CADPS: variants seen among roughly 807,000 people sequenced by gnomAD.
CADPS encodes calcium dependent secretion activator.
Under a neutral mutation model 167.3 loss-of-function variants are expected in CADPS, and 57 were observed. The ratio of observed to expected loss-of-function variants is 0.34; its 90% CI spans 0.28 to 0.42. The LOEUF is 0.42. Among genes scored for constraint, CADPS ranks in the 20% least tolerant of loss-of-function variants. The pLI is 1.00. For missense variants in CADPS, 1,414 were observed against 1,738.1 expected (o/e 0.81, Z 3.32); for synonymous variants, 676 against 635.3 (o/e 1.06, Z -0.96).
chr3:62,760,053 C>A (rs1390317298), intron 2 of CADPS, among the ~76,000 whole-genome samples: 1 of 152,114 alleles, frequency 6.6e-6, no homozygotes, highest in African/African-American at 2.4e-5. Context: ...TTTCCCTTTT[C>A]TTTTCTATGC....
chr3:62,727,007 G>C (rs1876252), intron 3 of CADPS, among the ~76,000 whole-genome samples: 23,329 of 151,710 alleles, frequency 0.15, 2,558 homozygotes, highest in African/African-American at 0.3. Context: ...GACTGTCTTA[G>C]ATTGCTGGTA....
chr3:62,437,513 T>C (rs2055371083), intron 28 of CADPS, among the ~76,000 whole-genome samples: 1 of 152,078 alleles, frequency 6.6e-6, no homozygotes, highest in Non-Finnish European at 1.5e-5. Flanking sequence ...CTGTTTCTCA[T>C]AAATTATCAG....
intron 28 of CADPS, among the ~76,000 whole-genome samples, chr3:62,415,965 C>A (rs949188335): frequency 1.3e-5 from 2 of 151,890 alleles, no homozygotes; most frequent in African/African-American, 4.8e-5. Context: ...TCAGTGAAAG[C>A]TATTTTTCTT....
chr3:62,788,622 G>C (rs187159122), intron 1 of CADPS, among the ~76,000 whole-genome samples: 4 of 152,254 alleles, frequency 2.6e-5, no homozygotes, highest in Admixed American at 1.3e-4. Context: ...TTTAGCTTTT[G>C]ATGTGATGAT....
Position 62,518,061 on chromosome 3 carries a change from A to G in CADPS, c.2393+88T>C. On this transcript the variant is annotated intron_variant, in intron 14 of 29. Coordinates refer to ENST00000383710, the MANE Select transcript of CADPS (RefSeq NM_003716.4). ...CTAAATATCCAATGTATCCTCTGGT[A>G]GATTTACAGTTTTGGAAAATTAAGT... 4 of 830,926 alleles carry G rather than the reference A, an allele frequency of 4.8e-6. No homozygotes were observed. In the South Asian group the frequency reaches 5.6e-5, roughly 12 times the overall value. 51.5% of individuals were successfully genotyped at this position (830,926 alleles called of 1,614,324 possible). A position where few individuals can be genotyped will look rare whatever the true frequency, so the allele number is the denominator to read the frequency against.
At chr3:62,565,267 T>C (rs1385160163) in intron 9 of CADPS, among the ~76,000 whole-genome samples, 2 of 152,142 alleles carry the variant, frequency 1.3e-5, no homozygotes, top group Admixed American at 6.5e-5. Context: ...AGGACATATA[T>C]TGGAATTTCA....
chr3:62,797,043 G>A (rs1018997415), intron 1 of CADPS, among the ~76,000 whole-genome samples: 1 of 152,080 alleles, frequency 6.6e-6, no homozygotes, highest in Non-Finnish European at 1.5e-5. Context: ...TATTCTAAGA[G>A]AAAAAGAGAA....
At chr3:62,833,309 GCTAA>G (rs1234984347) in intron 1 of CADPS, among the ~76,000 whole-genome samples, 2 of 151,810 alleles carry the variant, frequency 1.3e-5, no homozygotes, top group East Asian at 3.9e-4. Context: ...ACCATGCCTG[GCTAA>G]CTTATTTTTT....
At chr3:62,609,869 C>A (rs1388803960) in intron 6 of CADPS, among the ~76,000 whole-genome samples, 1 of 152,028 alleles carries the variant, frequency 6.6e-6, no homozygotes, top group African/African-American at 2.4e-5. Context: ...GCAGGTGGAT[C>A]CCTTGAGCTC....
intron 3 of CADPS, among the ~76,000 whole-genome samples, chr3:62,675,516 G>A (rs2076205069): frequency 6.6e-6 from 1 of 152,076 alleles, no homozygotes; most frequent in African/African-American, 2.4e-5. Flanking sequence ...ATATGACCTT[G>A]GCTTAGAGGA....
At chr3:62,808,396 G>T (rs2094217563) in intron 1 of CADPS, among the ~76,000 whole-genome samples, 1 of 152,084 alleles carries the variant, frequency 6.6e-6, no homozygotes, top group South Asian at 2.1e-4. Flanking sequence ...AAGCTCTCCT[G>T]GTGGTCTGGT....
At chr3:62,625,173 A>G (rs1455030688) in intron 6 of CADPS, 1 of 150,286 alleles carries the variant, frequency 6.7e-6, no homozygotes, top group Admixed American at 6.6e-5. Context: ...AATTTTAAAT[A>G]AAAGTTAATA....
Position 62,823,402 on chromosome 3 carries a change from T to G in CADPS, c.441+51187A>C, listed in dbSNP as rs1324048170. On this transcript the variant is annotated intron_variant, in intron 1 of 29. Coordinates refer to ENST00000383710, the MANE Select transcript of CADPS (RefSeq NM_003716.4). ...TCCAAAGTTAAGCACACTTCCAAAG[T>G]TTTTCCTCATTGAGGGCAATACAAA... Among the ~76,000 whole-genome samples, 7 of 152,166 alleles carry G rather than the reference T, an allele frequency of 4.6e-5. No individual in the cohort carries two copies. The East Asian group carries it at 1.3e-3, about 29-fold the overall frequency.
chr3:62,670,697 A>AAATATGT, intron 3 of CADPS, among the ~76,000 whole-genome samples: 1 of 152,024 alleles, frequency 6.6e-6, no homozygotes, highest in Non-Finnish European at 1.5e-5. Context: ...AAAAAACCCA[A>AAATATGT]ACAGAAAACC....
chr3:62,495,567 A>G (rs2064572677), intron 18 of CADPS, among the ~76,000 whole-genome samples: 1 of 152,214 alleles, frequency 6.6e-6, no homozygotes, highest in Admixed American at 6.5e-5. Flanking sequence ...ACTTACCCAG[A>G]GCTTTTCGTT....
intron 3 of CADPS, among the ~76,000 whole-genome samples, chr3:62,746,906 A>G (rs1433794916): frequency 6.6e-6 from 1 of 152,228 alleles, no homozygotes; most frequent in African/African-American, 2.4e-5. Flanking sequence ...AATTGAGATA[A>G]TAAGTGGGCA....
chr3:62,741,143 C>T (rs1053459416), intron 3 of CADPS, among the ~76,000 whole-genome samples: 1 of 152,092 alleles, frequency 6.6e-6, no homozygotes, highest in African/African-American at 2.4e-5. Flanking sequence ...TTAATGGTAG[C>T]TAATAATAAC....
rs544547359 is a variant in CADPS at position 62,445,771 on chromosome 3, A to G, written c.3663T>C (p.Asp1221=). Residue 1221 remains aspartate (D), a synonymous_variant, in exon 27 of 30, where the codon GAT becomes GAC. Transcript: ENST00000383710. Reference sequence around the variant, plus strand: ...ACAATTTTCAAATACTCACAGGTACATCCACATATTTGGAAGCTGCCTTCA... The same window carrying G: ...ACAATTTTCAAATACTCACAGGTACGTCCACATATTTGGAAGCTGCCTTCA... The part of the protein sequence containing the change: ...FTVKAASKYV[D]VPKPGMDVAD... 2.0e-6 allele frequency: 3 copies of G among 1,525,932 alleles called. No homozygotes were observed. The highest frequency in any genetic ancestry group is 2.6e-5 in the South Asian group (2 of 76,454). The allele number at this position is 1,525,932 out of a possible 1,614,324, so 94.5% of individuals were successfully genotyped here.
chr3:62,870,571 T>G (rs915984915), intron 1 of CADPS, among the ~76,000 whole-genome samples: 9 of 152,120 alleles, frequency 5.9e-5, no homozygotes, highest in Non-Finnish European at 1.2e-4. Flanking sequence ...ATGAGTAGCT[T>G]GAACTTACAA....
Sources: gnomAD v4.1 joint callset for allele counts (sites outside exome capture counted in the v4.1 genomes callset) on GRCh38, gnomAD v4.1.1 for gene constraint, MANE v1.5 for transcripts, NCBI Gene and HGNC (gene_info 2026-07-23, HGNC 2026-07-21) for gene names.